Variants in GALNT10 observed in about 807,000 individuals in gnomAD.
GALNT10 encodes the protein polypeptide N-acetylgalactosaminyltransferase 10.
Under a neutral mutation model 75.0 loss-of-function variants are expected in GALNT10, and 41 were observed. The observed-to-expected ratio is 0.55, with a 90% CI of 0.43 to 0.71. The LOEUF (loss-of-function observed/expected upper bound fraction) is 0.71, where lower values mean the gene tolerates loss of function less well. Ranked by LOEUF, GALNT10 falls within the 30% of genes least tolerant of loss-of-function variation. The pLI is 0.00. For missense variants in GALNT10, 727 were observed against 818.5 expected, an observed-to-expected ratio of 0.89 and a Z score of 1.36; for synonymous variants, 302 against 313.0, an observed-to-expected ratio of 0.96 and a Z score of 0.37.
intron 1 of GALNT10, among the ~76,000 whole-genome samples, chr5:154,215,606 A>T (rs1752853455): frequency 6.6e-6 from 1 of 152,216 alleles, no homozygotes; most frequent in Non-Finnish European, 1.5e-5. Flanking sequence ...CCTGCCTTTT[A>T]GTTCTTCTAG....
intron 1 of GALNT10, among the ~76,000 whole-genome samples, chr5:154,281,514 C>T (rs1314887568): frequency 6.6e-6 from 1 of 152,016 alleles, no homozygotes; most frequent in Non-Finnish European, 1.5e-5. Context: ...CCCATTCTAC[C>T]ATCAAATAAT....
chr5:154,238,509 C>A (rs1428474547), intron 1 of GALNT10, among the ~76,000 whole-genome samples: 6 of 152,168 alleles, frequency 3.9e-5, no homozygotes, highest in African/African-American at 1.2e-4. Context: ...TTTCTCCCCA[C>A]GTGCATCTTC....
chr5:154,322,082 A>G (rs1754684867), intron 3 of GALNT10, among the ~76,000 whole-genome samples: 1 of 152,230 alleles, frequency 6.6e-6, no homozygotes, highest in Non-Finnish European at 1.5e-5. Flanking sequence ...TATTCTTACC[A>G]TTTTAAACAA....
chr5:154,363,996 A>G (rs1561672401), intron 4 of GALNT10, among the ~76,000 whole-genome samples: 1 of 151,984 alleles, frequency 6.6e-6, no homozygotes, highest in African/African-American at 2.4e-5. Context: ...AAAATCAATC[A>G]CTCTGAGTCC....
chr5:154,301,374 T>C (rs1754354624), intron 3 of GALNT10, among the ~76,000 whole-genome samples: 1 of 152,118 alleles, frequency 6.6e-6, no homozygotes, highest in Non-Finnish European at 1.5e-5. Context: ...TCTTTTTTTT[T>C]CTAGATATTT....
intron 4 of GALNT10, among the ~76,000 whole-genome samples, chr5:154,332,934 G>C (rs889261032): frequency 6.6e-6 from 1 of 152,198 alleles, no homozygotes; most frequent in African/African-American, 2.4e-5. Context: ...GAATAAACCA[G>C]ACCTCAGCCA....
At chr5:154,405,561 T>C (rs1301960421) in intron 8 of GALNT10, among the ~76,000 whole-genome samples, 3 of 151,982 alleles carry the variant, frequency 2.0e-5, no homozygotes, top group Admixed American at 2.0e-4. Context: ...GCGCACGCTC[T>C]CTCGGTACGC....
rs141111438 is a variant in GALNT10 at position 154,273,850 on chromosome 5, ATAATCT to A, written c.160-20963_160-20958del. 1.7e-3 allele frequency among the ~76,000 whole-genome samples: 262 copies of A among 152,378 alleles called. 1 individual carries two copies. The highest frequency in any genetic ancestry group is 6.0e-3 in the African/African-American group (249 of 41,588). On this transcript the variant is annotated intron_variant, in intron 1 of 11. Transcript: ENST00000297107. Reference sequence around the variant, plus strand: ...TTTAAAGCAGTGGAACACTTTTCACATAATCTTATTTGAAAGCCTAATTAATGTATC... The same window carrying A: ...TTTAAAGCAGTGGAACACTTTTCACATATTTGAAAGCCTAATTAATGTATC...
At chr5:154,365,208 T>G (rs1306952113) in intron 4 of GALNT10, among the ~76,000 whole-genome samples, 1 of 152,178 alleles carries the variant, frequency 6.6e-6, no homozygotes, top group Non-Finnish European at 1.5e-5. Flanking sequence ...TGTGACTGCT[T>G]GAAGAAGGAG....
At chr5:154,295,205 A>G (rs62379865) in intron 2 of GALNT10, among the ~76,000 whole-genome samples, 11,630 of 152,216 alleles carry the variant, frequency 0.076, 454 homozygotes, top group Middle Eastern at 0.1. Flanking sequence ...CTCCCTCATA[A>G]AGGATATTTT....
intron 1 of GALNT10, among the ~76,000 whole-genome samples, chr5:154,230,831 C>T (rs1368608730): frequency 6.6e-6 from 1 of 152,218 alleles, no homozygotes; most frequent in Non-Finnish European, 1.5e-5. Context: ...TAATCCAGGT[C>T]ACAGTTCTTA....
Position 154,226,142 on chromosome 5 carries a change from G to GA in GALNT10, c.159+35127dup, listed in dbSNP as rs112004791. Among the ~76,000 whole-genome samples, 24 of 146,968 alleles carry GA rather than the reference G, an allele frequency of 1.6e-4. 1 individual carries two copies. Among genetic ancestry groups the GA allele is most frequent in the Middle Eastern group, 3.5e-3 (1 of 288 alleles). ...AAAACTTAAAGTATAATAAAAAAAG[G>GA]AAAAAAAAAAGAAATTTAACATGCA... On this transcript the variant is annotated intron_variant, in intron 1 of 11. Coordinates refer to ENST00000297107, the MANE Select transcript of GALNT10 (RefSeq NM_198321.4).
At chr5:154,314,621 T>C (rs7706377) in intron 3 of GALNT10, among the ~76,000 whole-genome samples, 45,787 of 151,486 alleles carry the variant, frequency 0.3, 7,663 homozygotes, top group African/African-American at 0.45. Context: ...CGTCTGCCTA[T>C]CTGCCTCCCC....
intron 3 of GALNT10, among the ~76,000 whole-genome samples, chr5:154,328,077 G>A (rs535545020): frequency 0.02 from 1,751 of 89,626 alleles, 34 homozygotes; most frequent in African/African-American, 0.052. Context: ...CAAACAAATC[G>A]AAGGGGAAAA....
chr5:154,246,058 G>GT (rs1305551755), intron 1 of GALNT10, among the ~76,000 whole-genome samples: 123 of 148,602 alleles, frequency 8.3e-4, no homozygotes, highest in African/African-American at 2.2e-3. Context: ...AACATGCGGT[G>GT]TTTTTTTTTT....
intron 1 of GALNT10, among the ~76,000 whole-genome samples, chr5:154,276,620 G>C (rs916554761): frequency 6.6e-6 from 1 of 152,154 alleles, no homozygotes; most frequent in South Asian, 2.1e-4. Context: ...TACCACAGAT[G>C]GTTTCATTCA....
intron 1 of GALNT10, among the ~76,000 whole-genome samples, chr5:154,272,205 C>A (rs533679985): frequency 5.3e-5 from 8 of 152,272 alleles, no homozygotes; most frequent in Non-Finnish European, 1.0e-4. Context: ...CCCCAACTTC[C>A]TCACTTATCC....
chr5:154,350,495 A>G (rs541957578), intron 4 of GALNT10, among the ~76,000 whole-genome samples: 53 of 152,308 alleles, frequency 3.5e-4, no homozygotes, highest in Non-Finnish European at 6.5e-4. Flanking sequence ...TTCTAAGGAG[A>G]CAATCAAAGA....
chr5:154,323,887 C>T lies in GALNT10; in HGVS notation c.402-5685C>T, dbSNP rs150000107. 1.2e-3 allele frequency among the ~76,000 whole-genome samples: 176 copies of T among 152,316 alleles called. 1 individual carries two copies. Among genetic ancestry groups the T allele is most frequent in the East Asian group, 8.7e-3 (45 of 5,180 alleles). ...AGGGCTGTGTTACACTGTGGAGTGC[C>T]GCAGCACTGGGAATTCCACCTTCTC... On this transcript the variant is annotated intron_variant, in intron 3 of 11. Coordinates refer to ENST00000297107, the MANE Select transcript of GALNT10 (RefSeq NM_198321.4).
Sources: gnomAD v4.1 joint callset for allele counts (sites outside exome capture counted in the v4.1 genomes callset) on GRCh38, gnomAD v4.1.1 for gene constraint, MANE v1.5 for transcripts, NCBI Gene and HGNC (gene_info 2026-07-23, HGNC 2026-07-21) for gene names.